Variants in KIAA0825 observed in about 807,000 individuals in gnomAD.
The protein encoded by KIAA0825 is uncharacterized protein KIAA0825.
A neutral mutation model predicts 147.6 loss-of-function variants in KIAA0825; 119 were observed. The observed-to-expected ratio is 0.81, with a 90% CI of 0.69 to 0.94. The LOEUF (loss-of-function observed/expected upper bound fraction) is 0.94. Among genes scored for constraint, KIAA0825 ranks in the 40% least tolerant of loss-of-function variants. The pLI, the probability that KIAA0825 is intolerant of heterozygous loss-of-function variation, is 0.00. For missense variants in KIAA0825, 1,381 were observed against 1,472.7 expected (o/e 0.94, Z 1.02); for synonymous variants, 470 against 518.1 (o/e 0.91, Z 1.26).
chr5:94,196,651 A>G (rs142878283), intron 20 of KIAA0825, among the ~76,000 whole-genome samples: 17 of 152,060 alleles, frequency 1.1e-4, no homozygotes, highest in South Asian at 2.1e-4. Flanking sequence ...CCCAATGTCT[A>G]TTGTTCCCAT....
At chr5:94,593,645 C>A in intron 1 of KIAA0825, 1 of 448,576 alleles carries the variant, frequency 2.2e-6, no homozygotes, top group Non-Finnish European at 4.2e-6. Flanking sequence ...GTGTTGGGAA[C>A]AATGGAAGAT....
intron 8 of KIAA0825, 23 bp from the exon 9 acceptor site, chr5:94,471,754 C>T: frequency 1.3e-6 from 2 of 1,550,388 alleles, no homozygotes; most frequent in Non-Finnish European, 1.7e-6. Context: ...AAATGTGGCA[C>T]TGAGTTATTT....
intron 20 of KIAA0825, among the ~76,000 whole-genome samples, chr5:94,336,678 T>G (rs1781837482): frequency 1.3e-5 from 2 of 152,164 alleles, no homozygotes; most frequent in Admixed American, 6.5e-5. Context: ...ACATTTGGGT[T>G]GGTTCCAAGT....
chr5:94,390,706 C>T (rs966330665), intron 18 of KIAA0825, among the ~76,000 whole-genome samples: 3 of 152,172 alleles, frequency 2.0e-5, no homozygotes, highest in Admixed American at 6.5e-5. Context: ...TTTATATAAT[C>T]AAGTTGTAAA....
At chr5:94,428,463 C>T (rs962946728) in intron 14 of KIAA0825, among the ~76,000 whole-genome samples, 1 of 152,014 alleles carries the variant, frequency 6.6e-6, no homozygotes, top group African/African-American at 2.4e-5. Flanking sequence ...TCCCTTAGTG[C>T]TTGCTTGTCT....
chr5:94,520,510 A>C lies in KIAA0825; in HGVS notation c.708T>G (p.Asn236Lys). The change falls in exon 5 of 21, where the codon AAT becomes AAG. Residue 236 changes from asparagine to lysine, a missense_variant. Coordinates refer to ENST00000682413, the MANE Select transcript of KIAA0825 (RefSeq NM_001145678.3). ...GATATCCATGAGCTATTACATCTAA[A>C]TTTGAATCTCTGTTGTAAGAAGGAA... ...NCFPSYNRDS[N>K]LDVIAHGYQS... is the part of the protein sequence containing the mutation. 6.2e-7 allele frequency: 1 copy of C among 1,613,076 alleles called. No individual in the cohort carries two copies.
chr5:94,508,861 G>GC (rs1766105514), intron 5 of KIAA0825, among the ~76,000 whole-genome samples: 1 of 152,190 alleles, frequency 6.6e-6, no homozygotes, highest in Admixed American at 6.5e-5. Context: ...GAAGGGAATT[G>GC]CATGTGTCTG....
intron 20 of KIAA0825, among the ~76,000 whole-genome samples, chr5:94,304,588 AT>A (rs1251498568): frequency 1.3e-5 from 2 of 150,958 alleles, no homozygotes; most frequent in East Asian, 3.9e-4. Flanking sequence ...TTTTTTTTCC[AT>A]TTTTGTCCTC....
chr5:94,411,633 C>A (rs1752780022), intron 15 of KIAA0825, among the ~76,000 whole-genome samples: 1 of 152,028 alleles, frequency 6.6e-6, no homozygotes, highest in South Asian at 2.1e-4. Flanking sequence ...TCTTAGGACA[C>A]AAAAAGCACT....
At chr5:94,538,348 G>T (rs979234080) in intron 2 of KIAA0825, among the ~76,000 whole-genome samples, 2 of 152,206 alleles carry the variant, frequency 1.3e-5, no homozygotes, top group African/African-American at 4.8e-5. Flanking sequence ...AAGCTATGGG[G>T]AAAGAAGTAA....
intron 2 of KIAA0825, among the ~76,000 whole-genome samples, chr5:94,547,166 G>C (rs565566975): frequency 6.6e-6 from 1 of 151,986 alleles, no homozygotes; most frequent in East Asian, 1.9e-4. Flanking sequence ...TACACAGTCA[G>C]AGGAGACAAA....
At chr5:94,357,396 A>C (rs759026943) in intron 20 of KIAA0825, among the ~76,000 whole-genome samples, 22 of 152,228 alleles carry the variant, frequency 1.4e-4, no homozygotes, top group Non-Finnish European at 3.1e-4. Flanking sequence ...GATGAATACA[A>C]ATTTTTATGA....
intron 3 of KIAA0825, among the ~76,000 whole-genome samples, chr5:94,536,317 T>C (rs1772007001): frequency 6.6e-6 from 1 of 152,244 alleles, no homozygotes. Flanking sequence ...ATGCTATGTA[T>C]CATTACACAA....
intron 20 of KIAA0825, among the ~76,000 whole-genome samples, chr5:94,210,342 G>A (rs907399927): frequency 6.6e-6 from 1 of 152,164 alleles, no homozygotes; most frequent in African/African-American, 2.4e-5. Flanking sequence ...TAGTGCACTT[G>A]CTGCTGCAGA....
chr5:94,379,830 C>T (rs796842241), intron 20 of KIAA0825, among the ~76,000 whole-genome samples: 1 of 143,630 alleles, frequency 7.0e-6, no homozygotes, highest in African/African-American at 2.6e-5. Context: ...AGCTGTATTC[C>T]TAGGTATTTT....
At chr5:94,415,899 G>A (rs921223759) in intron 15 of KIAA0825, 18 of 152,166 alleles carry the variant, frequency 1.2e-4, no homozygotes, top group Non-Finnish European at 2.9e-5. Context: ...CCTAATAGTT[G>A]AAAGATAAAT....
chr5:94,594,990 G>A (rs1197151436), intron 1 of KIAA0825, among the ~76,000 whole-genome samples: 1 of 152,106 alleles, frequency 6.6e-6, no homozygotes, highest in African/African-American at 2.4e-5. Flanking sequence ...CTCCACTTCT[G>A]TGGCTTTTCA....
At chr5:94,522,740 T>C (rs1441498000) in intron 4 of KIAA0825, among the ~76,000 whole-genome samples, 2 of 151,618 alleles carry the variant, frequency 1.3e-5, no homozygotes, top group Admixed American at 6.6e-5. Flanking sequence ...TGATCAATTA[T>C]GTAAAAAAAC....
rs867173912 is a variant in KIAA0825 at position 94,201,251 on chromosome 5, T to C, written c.3711-47127A>G. On this transcript the variant is annotated intron_variant, in intron 20 of 20. Transcript: ENST00000682413. ...CATGTAATTAATATAATAATTAATG[T>C]AATAGATTTAATAAATGTATAACTT... Among the ~76,000 whole-genome samples, 13 of 151,348 alleles carry C rather than the reference T, an allele frequency of 8.6e-5. No individual in the cohort carries two copies. The South Asian group carries it at 1.2e-3, about 14-fold the overall frequency.
Sources: allele counts gnomAD v4.1 joint callset (sites outside exome capture counted in the v4.1 genomes callset), GRCh38; gene constraint gnomAD v4.1.1; transcripts MANE v1.5; gene names NCBI Gene and HGNC (gene_info 2026-07-23, HGNC 2026-07-21).